KCNK2: variants seen among roughly 807,000 people sequenced by gnomAD.
KCNK2 encodes potassium two pore domain channel subfamily K member 2, also known as potassium channel subfamily K member 2.
In KCNK2, 21 loss-of-function variants were observed where a neutral mutation model predicts 40.5. The observed-to-expected ratio is 0.52, with a 90% CI of 0.37 to 0.75. The LOEUF is 0.75. Ranked by LOEUF, KCNK2 falls within the 30% of genes least tolerant of loss-of-function variation. KCNK2 has a pLI of 0.00. For synonymous variants in KCNK2, 191 were observed against 202.2 expected (o/e 0.94, Z 0.47); for missense variants, 399 against 531.6 (o/e 0.75, Z 2.45).
intron 6 of KCNK2, among the ~76,000 whole-genome samples, chr1:215,223,267 AAAC>A (rs1312965727): frequency 2.3e-4 from 35 of 150,890 alleles, no homozygotes; most frequent in African/African-American, 8.5e-4. Flanking sequence ...AAAAAAGTCA[AAAC>A]TCTTACAAGT....
At chr1:215,160,928 T>C (rs1663165450) in intron 3 of KCNK2, among the ~76,000 whole-genome samples, 1 of 152,134 alleles carries the variant, frequency 6.6e-6, no homozygotes, top group Non-Finnish European at 1.5e-5. Context: ...TACTCCAAAT[T>C]TGTTATCTTT....
intron 6 of KCNK2, among the ~76,000 whole-genome samples, chr1:215,204,127 G>A (rs937455636): frequency 3.5e-5 from 3 of 85,618 alleles, no homozygotes; most frequent in African/African-American, 1.4e-4. Context: ...TTTTTTTCTT[G>A]AATTAGACCC....
intron 6 of KCNK2, among the ~76,000 whole-genome samples, chr1:215,225,233 C>A (rs917541860): frequency 5.3e-5 from 8 of 152,000 alleles, no homozygotes; most frequent in African/African-American, 1.9e-4. Context: ...GGTAAAAATG[C>A]AATTTTATTT....
intron 6 of KCNK2, among the ~76,000 whole-genome samples, chr1:215,200,916 G>A (rs1394383832): frequency 6.6e-6 from 1 of 152,190 alleles, no homozygotes; most frequent in South Asian, 2.1e-4. Context: ...GATTGCAGAC[G>A]TAGCCGATAT....
chr1:215,005,770 A>C (rs1005946127), upstream of KCNK2: 1 of 663,344 alleles, frequency 1.5e-6, no homozygotes, highest in African/African-American at 1.8e-5. Flanking sequence ...ACTGATCTAC[A>C]GGGTAACATT....
chr1:215,097,152 A>T (rs1660012245), intron 2 of KCNK2, among the ~76,000 whole-genome samples: 1 of 152,000 alleles, frequency 6.6e-6, no homozygotes, highest in Non-Finnish European at 1.5e-5. Context: ...TAGCTGGTGG[A>T]TAATGGTAAA....
chr1:215,066,882 A>G (rs372849116), intron 1 of KCNK2, among the ~76,000 whole-genome samples: 23 of 152,242 alleles, frequency 1.5e-4, no homozygotes, highest in African/African-American at 5.5e-4. Flanking sequence ...TCTTGACAAC[A>G]TACATTTTCA....
At chr1:215,145,543 A>G (rs1662377274) in intron 3 of KCNK2, among the ~76,000 whole-genome samples, 1 of 152,186 alleles carries the variant, frequency 6.6e-6, no homozygotes, top group Non-Finnish European at 1.5e-5. Flanking sequence ...ACCAAGATCC[A>G]GCTTTCTAAA....
intron 6 of KCNK2, among the ~76,000 whole-genome samples, chr1:215,226,375 G>A (rs1004827100): frequency 2.0e-5 from 3 of 152,204 alleles, no homozygotes; most frequent in Non-Finnish European, 1.5e-5. Flanking sequence ...CCGCAAGCTG[G>A]AGCGCAGTGG....
chr1:215,136,878 C>T (rs910621516), intron 3 of KCNK2, among the ~76,000 whole-genome samples: 7 of 152,158 alleles, frequency 4.6e-5, no homozygotes, highest in Non-Finnish European at 8.8e-5. Flanking sequence ...ATTATACCCT[C>T]CTTTAATGTT....
chr1:215,209,440 T>A (rs1239732542), intron 6 of KCNK2, among the ~76,000 whole-genome samples: 1 of 36,566 alleles, frequency 2.7e-5, no homozygotes, highest in Non-Finnish European at 4.4e-5. Flanking sequence ...TAATATAAAA[T>A]ATATAATATA....
intron 2 of KCNK2, among the ~76,000 whole-genome samples, chr1:215,122,307 T>C (rs1296653143): frequency 2.6e-5 from 4 of 152,162 alleles, no homozygotes; most frequent in Non-Finnish European, 2.9e-5. Context: ...ATGTGTTAAA[T>C]CTATGAAAAT....
At chr1:215,109,029 C>G (rs1269894119) in intron 2 of KCNK2, among the ~76,000 whole-genome samples, 35 of 151,172 alleles carry the variant, frequency 2.3e-4, no homozygotes, top group Non-Finnish European at 2.4e-4. Flanking sequence ...ATCATTCATT[C>G]ATATATATAT....
intron 6 of KCNK2, among the ~76,000 whole-genome samples, chr1:215,200,091 C>A (rs924309587): frequency 6.6e-6 from 1 of 152,218 alleles, no homozygotes; most frequent in Non-Finnish European, 1.5e-5. Context: ...CTACCAATAT[C>A]ATTTCCTTAG....
intron 5 of KCNK2, among the ~76,000 whole-genome samples, chr1:215,190,882 C>T: frequency 6.6e-6 from 1 of 152,158 alleles, no homozygotes; most frequent in Non-Finnish European, 1.5e-5. Context: ...TCTCATCCCA[C>T]TCTTCCAATC....
chr1:215,149,151 T>C (rs964377020), intron 3 of KCNK2, among the ~76,000 whole-genome samples: 2 of 152,144 alleles, frequency 1.3e-5, no homozygotes, highest in Non-Finnish European at 2.9e-5. Flanking sequence ...ACAGACAGGC[T>C]GTTTTAATGC....
chr1:215,098,517 A>G (rs1017564716), intron 2 of KCNK2, among the ~76,000 whole-genome samples: 1 of 151,930 alleles, frequency 6.6e-6, no homozygotes, highest in Non-Finnish European at 1.5e-5. Flanking sequence ...CGTCGAATAT[A>G]TTTCTCATTG....
chr1:215,008,918 T>C lies in KCNK2; in HGVS notation c.34+2963T>C, dbSNP rs1443660250. ...GTTTGCTTTAGATGCTTTAGATGTGTAGGTGATCTAAATCAATTTGATTTG... is the reference window on the plus strand; with the variant it reads ...GTTTGCTTTAGATGCTTTAGATGTGCAGGTGATCTAAATCAATTTGATTTG... On this transcript the variant is annotated intron_variant, in intron 1 of 6. Coordinates refer to the KCNK2 transcript ENST00000391895. Among the ~76,000 whole-genome samples the C allele has an allele frequency of 2.6e-5, 4 of 152,132 alleles. No individual in the cohort carries two copies. The East Asian group carries it at 7.7e-4, about 29-fold the overall frequency.
upstream of KCNK2, among the ~76,000 whole-genome samples, chr1:215,077,900 G>A (rs1659003957): frequency 6.6e-6 from 1 of 151,954 alleles, no homozygotes; most frequent in African/African-American, 2.4e-5. Flanking sequence ...TCTTCTTATG[G>A]CTTATCAGAA....
Sources: allele counts gnomAD v4.1 joint callset (sites outside exome capture counted in the v4.1 genomes callset), GRCh38; gene constraint gnomAD v4.1.1; transcripts MANE v1.5; gene names NCBI Gene and HGNC (gene_info 2026-07-23, HGNC 2026-07-21).